AP1S2: variants seen among roughly 807,000 people sequenced by gnomAD.
AP1S2 encodes the protein adaptor related protein complex 1 subunit sigma 2.
A neutral mutation model predicts 14.3 loss-of-function variants in AP1S2; 1 was observed. The observed-to-expected ratio is 0.07, with a 90% CI of 0.02 to 0.33. The LOEUF is 0.33. Ranked by LOEUF, AP1S2 falls within the 10% of genes least tolerant of loss-of-function variation. The pLI, the probability that AP1S2 is intolerant of heterozygous loss-of-function variation, is 0.99. For missense variants in AP1S2, 30 were observed against 117.7 expected, an observed-to-expected ratio of 0.25 and a Z score of 3.45; for synonymous variants, 30 against 40.5, an observed-to-expected ratio of 0.74 and a Z score of 0.99.
At chrX:15,833,508 CAAG>C in intron 4 of AP1S2, 1 of 863,515 alleles carries the variant, frequency 1.2e-6, no homozygotes, top group Non-Finnish European at 1.4e-6. Flanking sequence ...AAACATCCTT[CAAG>C]AAGAAAAGAA....
chrX:15,828,973 G>T (rs935759464), intron 4 of AP1S2, among the ~76,000 whole-genome samples: 1 of 111,356 alleles, frequency 9.0e-6, no homozygotes, highest in Admixed American at 9.6e-5. Flanking sequence ...TGTTAATTTT[G>T]TGGGGCATGG....
At chrX:15,847,761 A>AT (rs1479924196) in intron 2 of AP1S2, among the ~76,000 whole-genome samples, 1 of 112,371 alleles carries the variant, frequency 8.9e-6, no homozygotes. Context: ...TAAATGACAC[A>AT]TAAGATTCCC....
intron 4 of AP1S2, among the ~76,000 whole-genome samples, chrX:15,837,927 T>C (rs1933700966): frequency 9.0e-6 from 1 of 111,489 alleles, no homozygotes; most frequent in African/African-American, 3.3e-5. Flanking sequence ...TTATAGCTAT[T>C]TGTATGTTCT....
At chrX:15,852,611 G>A (rs1302467278) in intron 1 of AP1S2, 87 bp from the exon 2 acceptor site, 1 of 874,200 alleles carries the variant, frequency 1.1e-6, no homozygotes, top group Non-Finnish European at 1.6e-6. Context: ...AGTTTTGGGG[G>A]ATGGGGCATT....
chrX:15,850,061 C>T (rs962011165), intron 2 of AP1S2, among the ~76,000 whole-genome samples: 2 of 111,730 alleles, frequency 1.8e-5, no homozygotes, highest in Non-Finnish European at 3.8e-5. Flanking sequence ...GAACTTTATG[C>T]AACATCTGGC....
chrX:15,839,620 A>G (rs1933765184), intron 4 of AP1S2, among the ~76,000 whole-genome samples: 1 of 107,295 alleles, frequency 9.3e-6, no homozygotes, highest in Admixed American at 1.0e-4. Flanking sequence ...AGCTTGGACT[A>G]CAGACACACA....
chrX:15,834,480 A>ATATATATATATATATATATATAT (rs1483118039), intron 4 of AP1S2, among the ~76,000 whole-genome samples: 3 of 20,363 alleles, frequency 1.5e-4, no homozygotes, highest in Non-Finnish European at 2.3e-4. Flanking sequence ...ATATATATAT[A>ATATATATATATATATATATATAT]ATTTTTTTTT....
chrX:15,850,183 T>TA (rs1443309100), intron 2 of AP1S2, among the ~76,000 whole-genome samples: 1 of 110,872 alleles, frequency 9.0e-6, no homozygotes, highest in Non-Finnish European at 1.9e-5. Context: ...CTTCCATACT[T>TA]ACACCAACCA....
At chrX:15,849,742 A>G (rs1215236327) in intron 2 of AP1S2, among the ~76,000 whole-genome samples, 1 of 110,953 alleles carries the variant, frequency 9.0e-6, no homozygotes, top group Non-Finnish European at 1.9e-5. Flanking sequence ...CCTTGCTGGT[A>G]TTTTCCTCCT....
chrX:15,852,256 T>G, intron 2 of AP1S2, 90 bp downstream of exon 2: 1 of 838,381 alleles, frequency 1.2e-6, no homozygotes, highest in East Asian at 3.4e-5. Context: ...TATTAATCGT[T>G]ATTTATAAAT....
intron 4 of AP1S2, chrX:15,830,283 T>C (rs1379227280): frequency 1.3e-6 from 1 of 747,166 alleles, no homozygotes. Context: ...GAAAAAAAAA[T>C]AGAAATGAAA....
intron 4 of AP1S2, among the ~76,000 whole-genome samples, chrX:15,829,497 A>G (rs1933361289): frequency 9.0e-6 from 1 of 111,535 alleles, no homozygotes; most frequent in Non-Finnish European, 1.9e-5. Flanking sequence ...CCATGTGCTC[A>G]CTGCCTGCAA....
At chrX:15,848,104 A>G (rs1398074072) in intron 2 of AP1S2, among the ~76,000 whole-genome samples, 1 of 111,846 alleles carries the variant, frequency 8.9e-6, no homozygotes, top group East Asian at 2.8e-4. Flanking sequence ...CCAGCCAGTA[A>G]TGTTTACTTT....
intron 2 of AP1S2, among the ~76,000 whole-genome samples, chrX:15,847,823 A>G (rs181687989): frequency 1.8e-5 from 2 of 112,359 alleles, no homozygotes; most frequent in African/African-American, 6.5e-5. Flanking sequence ...TGGTAGATTA[A>G]AAACCAGATA....
At chrX:15,828,785 C>G (rs1267601652) in intron 4 of AP1S2, among the ~76,000 whole-genome samples, 1 of 108,009 alleles carries the variant, frequency 9.3e-6, no homozygotes, top group Non-Finnish European at 1.9e-5. Flanking sequence ...AAAAAAATGG[C>G]AAGGCGGGAA....
At chrX:15,852,841 A>G (rs137964366) in intron 1 of AP1S2, 31 of 744,104 alleles carry the variant, frequency 4.2e-5, no homozygotes, top group Middle Eastern at 7.7e-4. Flanking sequence ...TTAAGAAACT[A>G]TTTTCTACCT....
chrX:15,828,765 G>GT (rs199896672), intron 4 of AP1S2, among the ~76,000 whole-genome samples: 3 of 92,554 alleles, frequency 3.2e-5, no homozygotes, highest in Non-Finnish European at 6.5e-5. Context: ...AAATGACCTC[G>GT]TTTTAAAAAA....
intron 4 of AP1S2, among the ~76,000 whole-genome samples, chrX:15,841,624 T>C (rs1055542512): frequency 8.9e-6 from 1 of 111,873 alleles, no homozygotes; most frequent in Non-Finnish European, 1.9e-5. Flanking sequence ...CAACAAGAAA[T>C]AGGTTGAAAA....
intron 2 of AP1S2, among the ~76,000 whole-genome samples, chrX:15,850,544 A>G (rs1345393918): frequency 9.5e-6 from 1 of 105,155 alleles, no homozygotes; most frequent in East Asian, 3.0e-4. Flanking sequence ...TTAATTGTAG[A>G]GACGGCGGGG....
Sources: allele counts gnomAD v4.1 joint callset (sites outside exome capture counted in the v4.1 genomes callset), GRCh38; gene constraint gnomAD v4.1.1; transcripts MANE v1.5; gene names NCBI Gene and HGNC (gene_info 2026-07-23, HGNC 2026-07-21).